NMBR: variants seen among roughly 807,000 people sequenced by gnomAD.
NMBR encodes the protein neuromedin B receptor.
Under a neutral mutation model 20.5 loss-of-function variants are expected in NMBR, and 16 were observed. That is an observed-to-expected ratio of 0.78 (90% CI 0.53 to 1.19). The LOEUF (loss-of-function observed/expected upper bound fraction) is 1.19, where lower values mean the gene tolerates loss of function less well. NMBR is among the 50% of genes most tolerant of loss of function. The pLI, the probability that NMBR is intolerant of heterozygous loss-of-function variation, is 0.00. For synonymous variants in NMBR, 212 were observed against 196.6 expected, an observed-to-expected ratio of 1.08 and a Z score of -0.65; for missense variants, 582 against 499.1, an observed-to-expected ratio of 1.17 and a Z score of -1.58.
At chr6:142,115,852 G>A (rs1473534802) in intron 1 of NMBR, among the ~76,000 whole-genome samples, 1 of 152,004 alleles carries the variant, frequency 6.6e-6, no homozygotes, top group African/African-American at 2.4e-5. Flanking sequence ...ATCAAAGAAT[G>A]AACTTTAATA....
intron 2 of NMBR, among the ~76,000 whole-genome samples, chr6:142,080,582 G>T (rs1777074707): frequency 6.6e-6 from 1 of 151,890 alleles, no homozygotes; most frequent in African/African-American, 2.4e-5. Context: ...CAAAGTGCTG[G>T]GGTTATAGGT....
intron 3 of NMBR, 146 bp from the exon 4 acceptor site, chr6:142,076,195 A>G (rs1776945329): frequency 1.6e-6 from 1 of 618,770 alleles, no homozygotes; most frequent in South Asian, 2.7e-5. Context: ...CACCAAAGTG[A>G]TGATGGATTT....
At chr6:142,127,235 T>G (rs902688245) in intron 1 of NMBR, among the ~76,000 whole-genome samples, 1 of 152,016 alleles carries the variant, frequency 6.6e-6, no homozygotes, top group Non-Finnish European at 1.5e-5. Context: ...CAGCATGATT[T>G]GTTGTAGAAA....
rs929132609 is a variant in NMBR at position 142,106,235 on chromosome 6, A to C, written c.-663-16914T>G. 1.4e-4 allele frequency among the ~76,000 whole-genome samples: 21 copies of C among 152,244 alleles called. No homozygotes were observed. The East Asian group carries it at 4.1e-3, about 29-fold the overall frequency. On this transcript the variant is annotated intron_variant, in intron 1 of 3. Coordinates refer to ENST00000258042, the MANE Select transcript of NMBR (RefSeq NM_002511.4). ...GCAACTGGACAATCTAACTCTTCCC[A>C]AAATAGCAAGGAGGCAAAACAGGGA...
chr6:142,085,014 T>C (rs951500123), intron 2 of NMBR, among the ~76,000 whole-genome samples: 1 of 152,160 alleles, frequency 6.6e-6, no homozygotes, highest in African/African-American at 2.4e-5. Context: ...ATTTTCAAAA[T>C]TGTAACAAAA....
chr6:142,091,813 T>C (rs893885508), intron 1 of NMBR, among the ~76,000 whole-genome samples: 7 of 152,198 alleles, frequency 4.6e-5, no homozygotes, highest in African/African-American at 1.7e-4. Flanking sequence ...TCCTGAGTAT[T>C]TGATGTTTAT....
At chr6:142,117,279 T>C (rs1296462825) in intron 1 of NMBR, among the ~76,000 whole-genome samples, 1 of 151,990 alleles carries the variant, frequency 6.6e-6, no homozygotes, top group East Asian at 1.9e-4. Context: ...ATAATTGTAG[T>C]TAGCAGCATA....
chr6:142,134,813 C>T (rs746008430), intron 1 of NMBR: 1 of 673,586 alleles, frequency 1.5e-6, no homozygotes, highest in African/African-American at 1.8e-5. Context: ...TTTGAAAAAA[C>T]CATTTTTCTC....
intron 1 of NMBR, among the ~76,000 whole-genome samples, chr6:142,103,447 C>T (rs577355541): frequency 5.9e-5 from 9 of 152,210 alleles, no homozygotes; most frequent in African/African-American, 2.2e-4. Context: ...GATAACCAAA[C>T]ATTGGTCAAA....
intron 3 of NMBR, among the ~76,000 whole-genome samples, chr6:142,077,381 A>G (rs950047064): frequency 6.6e-6 from 1 of 152,184 alleles, no homozygotes; most frequent in Non-Finnish European, 1.5e-5. Context: ...AAAAGCAAAT[A>G]CTCAAATACC....
At chr6:142,131,936 A>G (rs1292751151) in intron 1 of NMBR, among the ~76,000 whole-genome samples, 1 of 152,228 alleles carries the variant, frequency 6.6e-6, no homozygotes, top group Non-Finnish European at 1.5e-5. Flanking sequence ...AATGGTTGTT[A>G]GGGCTTTTAG....
intron 1 of NMBR, among the ~76,000 whole-genome samples, chr6:142,120,571 A>G (rs1007620398): frequency 7.9e-5 from 12 of 151,942 alleles, no homozygotes; most frequent in African/African-American, 2.9e-4. Context: ...GAAACACTTA[A>G]AAACATTTGA....
intron 1 of NMBR, among the ~76,000 whole-genome samples, chr6:142,146,654 G>T (rs1404388267): frequency 6.6e-6 from 1 of 151,660 alleles, no homozygotes; most frequent in Non-Finnish European, 1.5e-5. Flanking sequence ...ACTAAAATAC[G>T]TACTAGCCAG....
chr6:142,128,027 A>G (rs989700646), intron 1 of NMBR, among the ~76,000 whole-genome samples: 4 of 151,950 alleles, frequency 2.6e-5, no homozygotes, highest in African/African-American at 9.7e-5. Flanking sequence ...TGTAATCCTC[A>G]ATGTTGGAGG....
intron 1 of NMBR, among the ~76,000 whole-genome samples, chr6:142,110,107 C>T (rs1777734869): frequency 6.6e-6 from 1 of 152,168 alleles, no homozygotes; most frequent in Non-Finnish European, 1.5e-5. Context: ...AATTCAATCC[C>T]TTATACATTG....
intron 1 of NMBR, among the ~76,000 whole-genome samples, chr6:142,108,653 C>A (rs1486034939): frequency 6.6e-6 from 1 of 152,142 alleles, no homozygotes; most frequent in Non-Finnish European, 1.5e-5. Context: ...TTACCTCCCA[C>A]CTGGTCCCTC....
intron 1 of NMBR, among the ~76,000 whole-genome samples, chr6:142,116,354 T>C (rs533919788): frequency 7.2e-5 from 11 of 151,776 alleles, no homozygotes; most frequent in Non-Finnish European, 1.2e-4. Context: ...GTATATAGAA[T>C]GTTTGGCTCT....
At chr6:142,140,784 T>C (rs540274282) in intron 1 of NMBR, among the ~76,000 whole-genome samples, 120 of 152,258 alleles carry the variant, frequency 7.9e-4, no homozygotes, top group African/African-American at 2.8e-3. Flanking sequence ...CAATTGGCTA[T>C]ATTAATATGA....
intron 1 of NMBR, among the ~76,000 whole-genome samples, chr6:142,116,480 T>A (rs1286583336): frequency 6.6e-6 from 1 of 151,970 alleles, no homozygotes; most frequent in African/African-American, 2.4e-5. Context: ...GGACCATACA[T>A]CCACTAATAG....
Sources: allele counts gnomAD v4.1 joint callset (sites outside exome capture counted in the v4.1 genomes callset), GRCh38; gene constraint gnomAD v4.1.1; transcripts MANE v1.5; gene names NCBI Gene and HGNC (gene_info 2026-07-23, HGNC 2026-07-21).